Variants in ANO2 observed in about 807,000 individuals in gnomAD.
The protein encoded by ANO2 is anoctamin 2.
Under a neutral mutation model 124.2 loss-of-function variants are expected in ANO2, and 101 were observed. That is an observed-to-expected ratio of 0.81 (90% CI 0.69 to 0.96). ANO2 has a LOEUF of 0.96. Ranked by LOEUF, ANO2 falls within the 40% of genes least tolerant of loss-of-function variation. ANO2 has a pLI of 0.00. For synonymous variants in ANO2, 486 were observed against 482.5 expected (o/e 1.01, Z -0.09); for missense variants, 1,293 against 1,274.5 (o/e 1.01, Z -0.22).
chr12:5,750,960 C>A lies in ANO2; in HGVS notation c.1066G>T (p.Gly356Ter), dbSNP rs1385743415. 1 of 1,598,228 alleles carries A rather than the reference C, an allele frequency of 6.3e-7. No homozygotes were observed. The highest frequency in any genetic ancestry group is 1.1e-5 in the South Asian group (1 of 87,376). Residue 356 changes from glycine to a stop codon, truncating the protein, a stop_gained, in exon 11 of 25, where the codon GGA becomes TGA. Coordinates refer to ENST00000682330, the MANE Select transcript of ANO2 (RefSeq NM_001364791.2). LOFTEE classifies it high-confidence loss of function. ...GCAAAATACAGTCCAATTTTTTCTC[C>A]AAAATACTTTCTGGAAAAGAAAGAA... Reference protein sequence around the residue: ...QPIDLIRKYFGEKIGLYFAWL... With the variant: ...QPIDLIRKYF
chr12:5,635,215 G>A lies in ANO2; in HGVS notation c.1753C>T (p.Leu585Phe). The A allele has an allele frequency of 6.2e-7, 1 of 1,611,690 alleles. No individual in the cohort carries two copies. Among genetic ancestry groups the A allele is most frequent in the Non-Finnish European group, 8.5e-7 (1 of 1,179,254 alleles). The change falls in exon 16 of 25, where the codon CTC becomes TTC. Residue 585 changes from leucine to phenylalanine, a missense_variant. Physicochemically the swap from Leu to Phe is conservative, Grantham distance 22. Coordinates refer to ENST00000682330, the MANE Select transcript of ANO2 (RefSeq NM_001364791.2). The surrounding 1 kb of genome is among the most constrained non-coding windows in gnomAD (Gnocchi z 5.2). The stretch of plus-strand genomic sequence containing the variant: ...TCGTCCAGGATGAGGATGACCACGA[G>A]GTTGATGATGACTGCTGTTGCTGTC... ...TVTATAVIIN[L>F]VVILILDEIY...
At position 5,916,491 on chromosome 12, in the gene ANO2, T is replaced by TAAAAAA. The variant is rs769233593; in HGVS notation, c.534+4548_534+4549insTTTTTT. 4.2e-4 allele frequency among the ~76,000 whole-genome samples: 41 copies of TAAAAAA among 98,122 alleles called. 4 individuals are homozygous for TAAAAAA. Among genetic ancestry groups the TAAAAAA allele is most frequent in the East Asian group, 7.5e-4 (3 of 4,008 alleles). 64.4% of individuals were successfully genotyped at this position (98,122 alleles called of 152,430 possible). On this transcript the variant is annotated intron_variant, in intron 3 of 24. Coordinates refer to ENST00000682330, the MANE Select transcript of ANO2 (RefSeq NM_001364791.2). The stretch of plus-strand genomic sequence containing the variant: ...CTCTGAATAGAAAAATCGCAGCAGG[T>TAAAAAA]TAAAAAAAAAAAAAAAAAAAAAGGC...
chr12:5,872,188 G>A (rs951954521), intron 3 of ANO2, among the ~76,000 whole-genome samples: 17 of 152,080 alleles, frequency 1.1e-4, no homozygotes, highest in African/African-American at 2.7e-4. Flanking sequence ...CCATAGGATC[G>A]CGCACCTGCT....
chr12:5,923,159 C>T lies in ANO2; in HGVS notation c.23-355G>A, dbSNP rs12816742. On this transcript the variant is annotated intron_variant, in intron 1 of 24. Coordinates refer to ENST00000682330, the MANE Select transcript of ANO2 (RefSeq NM_001364791.2). ...ACACACACATGCACACATACACACA[C>T]GCATACACACACACGCACACACACA... Among the ~76,000 whole-genome samples, 10 of 92,296 alleles carry T rather than the reference C, an allele frequency of 1.1e-4. 2 individuals are homozygous for T. Among genetic ancestry groups the T allele is most frequent in the African/African-American group, 3.3e-4 (8 of 24,264 alleles). The allele number at this position is 92,296 out of a possible 152,430, so 60.5% of individuals were successfully genotyped here. A position where few individuals can be genotyped will look rare whatever the true frequency, so the allele number is the denominator to read the frequency against.
chr12:5,934,148 T>C (rs1942552125), intron 1 of ANO2, among the ~76,000 whole-genome samples: 1 of 152,220 alleles, frequency 6.6e-6, no homozygotes, highest in Non-Finnish European at 1.5e-5. Flanking sequence ...TATCAATTTA[T>C]GTAATCTTCA....
intron 19 of ANO2, among the ~76,000 whole-genome samples, chr12:5,601,146 C>T (rs941749824): frequency 2.0e-5 from 3 of 152,064 alleles, no homozygotes; most frequent in Admixed American, 2.0e-4. Context: ...GTTTTCTTAT[C>T]TTTAAAATGG....
chr12:5,861,857 G>C (rs1359150973), intron 3 of ANO2, among the ~76,000 whole-genome samples: 1 of 152,150 alleles, frequency 6.6e-6, no homozygotes, highest in African/African-American at 2.4e-5. Context: ...CAGGGGTGCT[G>C]AGATGGTGGC....
chr12:5,683,738 A>G (rs1375646461), intron 14 of ANO2, among the ~76,000 whole-genome samples: 1 of 152,062 alleles, frequency 6.6e-6, no homozygotes, highest in African/African-American at 2.4e-5. Context: ...AGTCAAACAG[A>G]TGATCGGTGT....
At chr12:5,676,284 C>T (rs1948238326) in intron 14 of ANO2, among the ~76,000 whole-genome samples, 1 of 152,216 alleles carries the variant, frequency 6.6e-6, no homozygotes, top group African/African-American at 2.4e-5. Context: ...AAAGAACACT[C>T]AGCCATGGCT....
intron 3 of ANO2, among the ~76,000 whole-genome samples, chr12:5,910,670 C>G (rs989463228): frequency 2.0e-5 from 3 of 152,040 alleles, no homozygotes; most frequent in African/African-American, 4.8e-5. Flanking sequence ...ATTCAAGAAC[C>G]CTTGATGCTG....
At chr12:5,881,066 G>C (rs925042904) in intron 3 of ANO2, among the ~76,000 whole-genome samples, 1 of 152,178 alleles carries the variant, frequency 6.6e-6, no homozygotes, top group African/African-American at 2.4e-5. Context: ...GATGACCTCA[G>C]AGCATCCCTT....
intron 4 of ANO2, among the ~76,000 whole-genome samples, chr12:5,833,273 CT>C (rs1191694611): frequency 1.3e-5 from 2 of 152,150 alleles, no homozygotes; most frequent in African/African-American, 2.4e-5. Context: ...ATAGTGCATA[CT>C]GTTTTTTTTA....
At chr12:5,785,293 G>A (rs1565667125) in intron 10 of ANO2, among the ~76,000 whole-genome samples, 1 of 152,108 alleles carries the variant, frequency 6.6e-6, no homozygotes. Context: ...CCAGCGAGAG[G>A]CTTAGAGGGA....
chr12:5,888,577 G>C (rs1939142357), intron 3 of ANO2, among the ~76,000 whole-genome samples: 1 of 152,140 alleles, frequency 6.6e-6, no homozygotes, highest in Non-Finnish European at 1.5e-5. Context: ...GCTAGACAGA[G>C]AAGTTCTCCA....
At chr12:5,847,422 T>C (rs1186662814) in intron 4 of ANO2, among the ~76,000 whole-genome samples, 1 of 150,638 alleles carries the variant, frequency 6.6e-6, no homozygotes, top group Non-Finnish European at 1.5e-5. Flanking sequence ...CATAATTGTA[T>C]TAATCAATTC....
intron 22 of ANO2, among the ~76,000 whole-genome samples, chr12:5,576,806 A>T (rs1942438743): frequency 6.6e-6 from 1 of 152,270 alleles, no homozygotes; most frequent in South Asian, 2.1e-4. Context: ...AATGTAGTTC[A>T]GATATTGTTC....
At chr12:5,649,805 TG>T (rs1946827083) in intron 14 of ANO2, among the ~76,000 whole-genome samples, 2 of 151,970 alleles carry the variant, frequency 1.3e-5, no homozygotes, top group African/African-American at 4.8e-5. Context: ...TGTGTGTGTG[TG>T]TGTGTGTGTG....
chr12:5,690,658 G>T (rs746593778), intron 14 of ANO2, among the ~76,000 whole-genome samples: 4 of 152,138 alleles, frequency 2.6e-5, no homozygotes, highest in Non-Finnish European at 4.4e-5. Context: ...AATGCGGCAT[G>T]GGTTGGCAAG....
rs1359426146 is a variant in ANO2 at position 5,922,785 on chromosome 12, G to C, written c.42C>G (p.Gly14=). Residue 14 remains glycine (G), a synonymous_variant, in exon 2 of 25, where the codon GGC becomes GGG. Coordinates refer to ENST00000682330, the MANE Select transcript of ANO2 (RefSeq NM_001364791.2). Reference sequence around the variant, plus strand: ...CCTGAGGGCTCAGCCGGCGTGGGGAGCCAGGGAGCAGGGGTATATCTGTGA... The same window carrying C: ...CCTGAGGGCTCAGCCGGCGTGGGGACCCAGGGAGCAGGGGTATATCTGTGA... ...PGPRDIPLLP[G]SPRRLSPQAG... The C allele has an allele frequency of 1.3e-6, 2 of 1,535,452 alleles. No homozygotes were observed. The highest frequency in any genetic ancestry group is 2.8e-5 in the African/African-American group (2 of 71,826).
Sources: gnomAD v4.1 joint callset for allele counts (sites outside exome capture counted in the v4.1 genomes callset) on GRCh38, gnomAD v4.1.1 for gene constraint, Gnocchi (gnomAD v3.1) non-coding constraint, MANE v1.5 for transcripts, NCBI Gene and HGNC (gene_info 2026-07-23, HGNC 2026-07-21) for gene names.